ADK: variants seen among roughly 807,000 people sequenced by gnomAD.
ADK encodes adenosine kinase, also known as N6,N6-dimethyladenosine kinase.
Under a neutral mutation model 44.7 loss-of-function variants are expected in ADK, and 24 were observed. That is an observed-to-expected ratio of 0.54 (90% CI 0.39 to 0.76). The LOEUF is 0.76. Among genes scored for constraint, ADK ranks in the 30% least tolerant of loss-of-function variants. ADK has a pLI of 0.00. For missense variants in ADK, 321 were observed against 425.1 expected, an observed-to-expected ratio of 0.76 and a Z score of 2.15; for synonymous variants, 128 against 142.6, an observed-to-expected ratio of 0.90 and a Z score of 0.73.
intron 3 of ADK, among the ~76,000 whole-genome samples, chr10:74,302,203 G>A (rs1406991592): frequency 7.6e-6 from 1 of 131,804 alleles, no homozygotes; most frequent in Non-Finnish European, 1.5e-5. Context: ...ATCTTGGCTC[G>A]CTGCAACCCC....
chr10:74,433,399 G>T (rs928888872), intron 6 of ADK, among the ~76,000 whole-genome samples: 2 of 152,186 alleles, frequency 1.3e-5, no homozygotes, highest in Non-Finnish European at 2.9e-5. Context: ...TGAAGATTCT[G>T]CTGAGGGCTG....
chr10:74,314,692 A>G lies in ADK; in HGVS notation c.220A>G (p.Lys74Glu), dbSNP rs201786575. Residue 74 changes from lysine (K) to glutamate (E), a missense_variant, in exon 4 of 11, where the codon AAA becomes GAA. By Grantham distance (56) the Lys-to-Glu change is moderately conservative. Transcript: ENST00000539909. ...GTTTGATGAACTTGTGAAAAAATTC[A>G]AAGTCGAATATCATGCTGGTGGCTC... ...ELFDELVKKF[K>E]VEYHAGGSTQ... 9.9e-6 allele frequency: 16 copies of G among 1,612,916 alleles called. No homozygotes were observed. The highest frequency in any genetic ancestry group is 1.4e-5 in the Non-Finnish European group (16 of 1,179,352).
rs553353246 is a variant in ADK at position 74,337,919 on chromosome 10, C to T, written c.273+23174C>T. Among the ~76,000 whole-genome samples the T allele has an allele frequency of 4.3e-4, 66 of 152,110 alleles. 1 individual carries two copies. Among genetic ancestry groups the T allele is most frequent in the Middle Eastern group, 3.4e-3 (1 of 294 alleles). ...CTGGGATTACAGGCACCTGCCACCA[C>T]GCTGGGCTACAAATGTATTTAAGAA... On this transcript the variant is annotated intron_variant, in intron 4 of 10. Coordinates refer to ENST00000539909, the MANE Select transcript of ADK (RefSeq NM_006721.4).
chr10:74,480,763 C>G (rs1174340323), intron 6 of ADK, among the ~76,000 whole-genome samples: 1 of 152,188 alleles, frequency 6.6e-6, no homozygotes, highest in Admixed American at 6.5e-5. Flanking sequence ...AATATAGTTT[C>G]TAGCTTATAG....
At chr10:74,342,915 A>T (rs146269678) in intron 4 of ADK, among the ~76,000 whole-genome samples, 3 of 152,132 alleles carry the variant, frequency 2.0e-5, no homozygotes, top group Non-Finnish European at 2.9e-5. Context: ...AAACCATGTC[A>T]TCTGTGACTA....
chr10:74,215,947 C>T (rs918566505), intron 2 of ADK, among the ~76,000 whole-genome samples: 3 of 152,156 alleles, frequency 2.0e-5, no homozygotes, highest in African/African-American at 4.8e-5. Flanking sequence ...TGAGCCACCG[C>T]GCCTGGCCTA....
At chr10:74,517,344 G>T (rs1239870622) in intron 6 of ADK, among the ~76,000 whole-genome samples, 3 of 151,922 alleles carry the variant, frequency 2.0e-5, no homozygotes, top group South Asian at 4.2e-4. Context: ...AAGAAAAATG[G>T]ACTTCTTCAT....
At chr10:74,303,585 G>GTTTTTTTTT (rs1282565148) in intron 3 of ADK, among the ~76,000 whole-genome samples, 1,266 of 64,570 alleles carry the variant, frequency 0.02, 325 homozygotes, top group East Asian at 0.04. Context: ...TGGTTTTAAT[G>GTTTTTTTTT]TTGTTTTTTT....
intron 2 of ADK, among the ~76,000 whole-genome samples, chr10:74,222,810 A>G (rs1020068489): frequency 2.1e-5 from 3 of 141,710 alleles, no homozygotes; most frequent in Admixed American, 7.4e-5. Flanking sequence ...GAATTGAACA[A>G]TGAGAACACA....
chr10:74,705,964 TGTTGA>T (rs1476142363), intron 10 of ADK, among the ~76,000 whole-genome samples: 3 of 152,362 alleles, frequency 2.0e-5, no homozygotes, highest in Non-Finnish European at 2.9e-5. Context: ...GCCTACTTTG[TGTTGA>T]GTTGTTTCTT....
In ADK at chr10:74,164,191, A is replaced by T. The variant is rs536585794; in HGVS notation, c.65+12848A>T. On this transcript the variant is annotated intron_variant, in intron 1 of 10. Transcript: ENST00000539909. ...TGTTTAGGTTTGAGATATTATAATAAAACTTGGTTACATTATTAAATTCAG... is the reference window on the plus strand; with the variant it reads ...TGTTTAGGTTTGAGATATTATAATATAACTTGGTTACATTATTAAATTCAG... Among the ~76,000 whole-genome samples the T allele has an allele frequency of 1.1e-4, 17 of 152,342 alleles. No homozygotes were observed. In the Middle Eastern group the frequency reaches 0.01, roughly 91 times the overall value.
At chr10:74,643,562 C>T (rs1051642960) in intron 9 of ADK, among the ~76,000 whole-genome samples, 12 of 152,096 alleles carry the variant, frequency 7.9e-5, no homozygotes, top group African/African-American at 2.9e-4. Context: ...TTAACTCTTG[C>T]TATTTCAAAG....
intron 3 of ADK, among the ~76,000 whole-genome samples, chr10:74,227,830 G>A (rs778660396): frequency 2.0e-4 from 30 of 151,896 alleles, no homozygotes; most frequent in Non-Finnish European, 4.0e-4. Context: ...GTGACAGGGC[G>A]AGACTCTGTC....
chr10:74,226,256 C>T (rs980146433), intron 3 of ADK, among the ~76,000 whole-genome samples: 9 of 151,978 alleles, frequency 5.9e-5, no homozygotes, highest in Admixed American at 2.6e-4. Flanking sequence ...TACAGGCACC[C>T]GCCACCATGC....
At chr10:74,354,580 T>C (rs529303563) in intron 4 of ADK, among the ~76,000 whole-genome samples, 1 of 152,202 alleles carries the variant, frequency 6.6e-6, no homozygotes, top group Non-Finnish European at 1.5e-5. Context: ...TGTTATAGTC[T>C]TAAGGAAAAC....
chr10:74,691,906 T>C (rs535206057), intron 10 of ADK, among the ~76,000 whole-genome samples: 1 of 152,234 alleles, frequency 6.6e-6, no homozygotes, highest in South Asian at 2.1e-4. Context: ...GAACTCTCAT[T>C]TATTGCTGGT....
At chr10:74,268,566 C>T (rs988157177) in intron 3 of ADK, among the ~76,000 whole-genome samples, 3 of 152,066 alleles carry the variant, frequency 2.0e-5, no homozygotes, top group Non-Finnish European at 4.4e-5. Flanking sequence ...TAGTGCCTGG[C>T]ATATATTAGA....
At chr10:74,527,838 T>A (rs1849118063) in intron 7 of ADK, 1 of 1,165,846 alleles carries the variant, frequency 8.6e-7, no homozygotes, top group Non-Finnish European at 1.3e-6. Flanking sequence ...TGCTTCCAAG[T>A]GTCTTGAAGC....
chr10:74,351,329 A>T (rs1841956562), intron 4 of ADK, among the ~76,000 whole-genome samples: 1 of 152,234 alleles, frequency 6.6e-6, no homozygotes, highest in Middle Eastern at 3.2e-3. Flanking sequence ...CCATATGATT[A>T]TCTCAATAGA....
Sources: gnomAD v4.1 joint callset for allele counts (sites outside exome capture counted in the v4.1 genomes callset) on GRCh38, gnomAD v4.1.1 for gene constraint, MANE v1.5 for transcripts, NCBI Gene and HGNC (gene_info 2026-07-23, HGNC 2026-07-21) for gene names.